Variants in SH3KBP1 observed in about 807,000 individuals in gnomAD.
The protein encoded by SH3KBP1 is SH3 domain-containing kinase-binding protein 1.
Under a neutral mutation model 50.1 loss-of-function variants are expected in SH3KBP1, and 8 were observed. The ratio of observed to expected loss-of-function variants is 0.16; its 90% CI spans 0.09 to 0.29. The LOEUF is 0.29. Ranked by LOEUF, SH3KBP1 falls within the 10% of genes least tolerant of loss-of-function variation. SH3KBP1 has a pLI of 1.00. For missense variants in SH3KBP1, 377 were observed against 535.2 expected (o/e 0.70, Z 2.92); for synonymous variants, 227 against 218.6 (o/e 1.04, Z -0.34).
At chrX:19,827,781 CTTTTTTTTTTTTTTT>C (rs138898288) in intron 2 of SH3KBP1, among the ~76,000 whole-genome samples, 1 of 36,224 alleles carries the variant, frequency 2.8e-5, no homozygotes, top group African/African-American at 1.1e-4. Context: ...GAAGTGCAGT[CTTTTTTTTTTTTTTT>C]TTTTTTTTTT....
At chrX:19,798,268 G>A (rs986811528) in intron 2 of SH3KBP1, among the ~76,000 whole-genome samples, 1 of 108,455 alleles carries the variant, frequency 9.2e-6, no homozygotes, top group African/African-American at 3.4e-5. Context: ...TTTATTTTTG[G>A]TAGAGACAGG....
chrX:19,593,485 T>G, intron 10 of SH3KBP1, among the ~76,000 whole-genome samples: 1 of 110,703 alleles, frequency 9.0e-6, no homozygotes, highest in African/African-American at 3.3e-5. Flanking sequence ...AATATCTATC[T>G]CCCCATTACA....
intron 5 of SH3KBP1, among the ~76,000 whole-genome samples, chrX:19,693,839 C>T: frequency 8.9e-6 from 1 of 112,223 alleles, no homozygotes; most frequent in Admixed American, 9.4e-5. Context: ...GATCTTCCAG[C>T]TCTGAGAGCA....
intron 13 of SH3KBP1, among the ~76,000 whole-genome samples, chrX:19,552,764 G>A (rs912376745): frequency 1.0e-4 from 11 of 110,446 alleles, no homozygotes; most frequent in African/African-American, 3.3e-4. Flanking sequence ...CCCATCTAGG[G>A]TGCATCCTGG....
At chrX:19,830,875 G>A (rs999801094) in intron 2 of SH3KBP1, among the ~76,000 whole-genome samples, 1 of 112,117 alleles carries the variant, frequency 8.9e-6, no homozygotes, top group Non-Finnish European at 1.9e-5. Flanking sequence ...ATAAAAGAGA[G>A]ACAAACCTAA....
intron 9 of SH3KBP1, among the ~76,000 whole-genome samples, chrX:19,597,466 G>A (rs773174901): frequency 9.0e-6 from 1 of 111,660 alleles, no homozygotes; most frequent in Non-Finnish European, 1.9e-5. Context: ...CTGTCGCCCA[G>A]GCTGGAGTGC....
chrX:19,648,837 G>C (rs1463981898), intron 6 of SH3KBP1, among the ~76,000 whole-genome samples: 1 of 111,265 alleles, frequency 9.0e-6, no homozygotes, highest in African/African-American at 3.3e-5. Flanking sequence ...ACATACAGGA[G>C]CAAAGAAAAA....
chrX:19,879,446 A>G (rs1278195071), intron 1 of SH3KBP1, among the ~76,000 whole-genome samples: 1 of 111,104 alleles, frequency 9.0e-6, no homozygotes, highest in African/African-American at 3.3e-5. Flanking sequence ...ATCTGATGTC[A>G]TGGGCCATGA....
intron 9 of SH3KBP1, among the ~76,000 whole-genome samples, chrX:19,600,328 G>T (rs972462314): frequency 9.0e-6 from 1 of 110,738 alleles, no homozygotes; most frequent in African/African-American, 3.3e-5. Flanking sequence ...AGGCTGCAGT[G>T]AGCTGAGATC....
chrX:19,845,234 C>G (rs1263279187), intron 1 of SH3KBP1, among the ~76,000 whole-genome samples: 2 of 110,293 alleles, frequency 1.8e-5, no homozygotes, highest in Admixed American at 1.9e-4. Flanking sequence ...ATCCCAGCAC[C>G]TTGGGAGGCC....
At chrX:19,826,686 ATAAC>A (rs1397508797) in intron 2 of SH3KBP1, among the ~76,000 whole-genome samples, 3 of 24,238 alleles carry the variant, frequency 1.2e-4, no homozygotes, top group Non-Finnish European at 2.1e-4. Flanking sequence ...CTGTCTCTAA[ATAAC>A]ATAACATAAC....
intron 2 of SH3KBP1, among the ~76,000 whole-genome samples, chrX:19,802,547 G>A (rs2066923534): frequency 2.7e-5 from 3 of 110,019 alleles, no homozygotes; most frequent in Admixed American, 9.6e-5. Context: ...TTTCAAGGGC[G>A]TGCAAGATCC....
At chrX:19,557,368 G>A (rs946332649) in intron 13 of SH3KBP1, among the ~76,000 whole-genome samples, 1 of 112,304 alleles carries the variant, frequency 8.9e-6, no homozygotes, top group African/African-American at 3.2e-5. Flanking sequence ...ACATCAAAAC[G>A]TGTAGCTCAA....
At chrX:19,657,265 C>T (rs754286368) in intron 6 of SH3KBP1, among the ~76,000 whole-genome samples, 9 of 109,192 alleles carry the variant, frequency 8.2e-5, no homozygotes, top group Non-Finnish European at 1.5e-4. Context: ...CCTGTAGTCC[C>T]AGCTACTTGG....
At chrX:19,545,882 T>C in intron 15 of SH3KBP1, 40 bp downstream of exon 15, 1 of 1,200,393 alleles carries the variant, frequency 8.3e-7, no homozygotes, top group Non-Finnish European at 1.1e-6. Flanking sequence ...AGCACATGCA[T>C]GAAATGACAG....
intron 2 of SH3KBP1, among the ~76,000 whole-genome samples, chrX:19,771,534 T>C (rs1419856926): frequency 8.9e-6 from 1 of 111,790 alleles, no homozygotes; most frequent in East Asian, 2.8e-4. Flanking sequence ...ACATTACTGA[T>C]GTTGTAGAAA....
At chrX:19,828,110 T>C (rs1041474912) in intron 2 of SH3KBP1, among the ~76,000 whole-genome samples, 1 of 111,421 alleles carries the variant, frequency 9.0e-6, no homozygotes, top group African/African-American at 3.3e-5. Flanking sequence ...CAGAAGATAA[T>C]GTAGAAAAAT....
At chrX:19,778,690 C>T (rs186799222) in intron 2 of SH3KBP1, among the ~76,000 whole-genome samples, 4 of 110,464 alleles carry the variant, frequency 3.6e-5, no homozygotes, top group Non-Finnish European at 7.6e-5. Context: ...AGGAAGGTAT[C>T]GTCACTCCCA....
chrX:19,795,627 T>C lies in SH3KBP1; in HGVS notation c.162+40498A>G, dbSNP rs186477592. On this transcript the variant is annotated intron_variant, in intron 2 of 17. Coordinates refer to ENST00000397821, the MANE Select transcript of SH3KBP1 (RefSeq NM_031892.3). Reference sequence around the variant, plus strand: ...CGGCAATTCTTAGATCTCAAACAAATACCAGCCAGACCCCATCACTGGAAA... The same window carrying C: ...CGGCAATTCTTAGATCTCAAACAAACACCAGCCAGACCCCATCACTGGAAA... Among the ~76,000 whole-genome samples, 19 of 111,256 alleles carry C rather than the reference T, an allele frequency of 1.7e-4. No homozygotes were observed. In the East Asian group the frequency reaches 4.0e-3, roughly 23 times the overall value.
Sources: gnomAD v4.1 joint callset for allele counts (sites outside exome capture counted in the v4.1 genomes callset) on GRCh38, gnomAD v4.1.1 for gene constraint, MANE v1.5 for transcripts, NCBI Gene and HGNC (gene_info 2026-07-23, HGNC 2026-07-21) for gene names.